Variants in BRIX1 observed in about 807,000 individuals in gnomAD.
The protein encoded by BRIX1 is biogenesis of ribosomes BRX1, also known as ribosome biogenesis protein BRX1 homolog.
In BRIX1, 15 loss-of-function variants were observed where a neutral mutation model predicts 44.0. The observed-to-expected ratio is 0.34, with a 90% CI of 0.23 to 0.53. BRIX1 has a LOEUF of 0.53. Ranked by LOEUF, BRIX1 falls within the 20% of genes least tolerant of loss-of-function variation. The probability of loss-of-function intolerance (pLI) is 0.95; values close to 1 mark genes in which losing one functional copy is unlikely to be tolerated. For missense variants in BRIX1, 420 were observed against 432.8 expected (o/e 0.97, Z 0.26); for synonymous variants, 149 against 135.4 (o/e 1.10, Z -0.70).
chr5:34,918,393 C>T lies in BRIX1; in HGVS notation c.189C>T (p.Leu63=), dbSNP rs1159505314. The T allele has an allele frequency of 1.3e-6, 2 of 1,582,914 alleles. No individual in the cohort carries two copies. The highest frequency in any genetic ancestry group is 1.4e-5 in the African/African-American group (1 of 73,942). ...AGTGGAAAAATAAGGAACGGATTCT[C>T]ATCTTTTCTTCCAGAGGAATAAATT... ...KGKWKNKERI[L]IFSSRGINFR... The change falls in exon 2 of 10, where the codon CTC becomes CTT. Residue 63 remains leucine (L), a synonymous_variant. Coordinates refer to ENST00000336767, the MANE Select transcript of BRIX1 (RefSeq NM_018321.4).
Position 34,917,149 on chromosome 5 carries a change from A to G in BRIX1, c.160-1215A>G, listed in dbSNP as rs41270665. On this transcript the variant is annotated intron_variant, in intron 1 of 9. Coordinates refer to ENST00000336767, the MANE Select transcript of BRIX1 (RefSeq NM_018321.4). ...GGGAACACTCCAAGGGAGAAAAAAAAACCGATGAAAGACTTTGAAGTAGGG... is the reference window on the plus strand; with the variant it reads ...GGGAACACTCCAAGGGAGAAAAAAAGACCGATGAAAGACTTTGAAGTAGGG... 6.8e-3 allele frequency among the ~76,000 whole-genome samples: 1,030 copies of G among 152,334 alleles called. 10 individuals are homozygous for G. Among genetic ancestry groups the G allele is most frequent in the African/African-American group, 0.024 (998 of 41,572 alleles).
Position 34,918,455 on chromosome 5 carries a change from T to C in BRIX1, c.251T>C (p.Leu84Ser). ...CATTTAATGCAGGACTTGAGAATGTTGATGCCTCATTCTAAAGCAGGTGCC... is the reference window on the plus strand; with the variant it reads ...CATTTAATGCAGGACTTGAGAATGTCGATGCCTCATTCTAAAGCAGGTGCC... ...TRHLMQDLRMLMPHSKADTKM... is the reference protein window; with the variant it reads ...TRHLMQDLRMSMPHSKADTKM... The change falls in exon 2 of 10, where the codon TTG becomes TCG. Residue 84 changes from leucine to serine, a missense_variant. By Grantham distance (145) the Leu-to-Ser change is moderately radical. Transcript: ENST00000336767. 1 of 1,604,508 alleles carries C rather than the reference T, an allele frequency of 6.2e-7. No homozygotes were observed. Among genetic ancestry groups the C allele is most frequent in the Non-Finnish European group, 8.5e-7 (1 of 1,173,798 alleles).
At chr5:34,923,876 A>T (rs1219670849) in intron 8 of BRIX1, among the ~76,000 whole-genome samples, 1 of 152,204 alleles carries the variant, frequency 6.6e-6, no homozygotes, top group East Asian at 1.9e-4. Context: ...CATGACTGTT[A>T]GTTGATACAG....
At chr5:34,915,997 C>T (rs1764070845) in intron 1 of BRIX1, 100 bp downstream of exon 1, 8 of 1,367,780 alleles carry the variant, frequency 5.8e-6, no homozygotes, top group Middle Eastern at 3.8e-4. Flanking sequence ...TTCAGAGTAG[C>T]CCGGGTGTTA....
chr5:34,925,286 G>A lies in BRIX1; in HGVS notation c.853G>A (p.Asp285Asn). 1.2e-6 allele frequency: 2 copies of A among 1,611,666 alleles called. No individual in the cohort carries two copies. Among genetic ancestry groups the A allele is most frequent in the Non-Finnish European group, 1.7e-6 (2 of 1,179,674 alleles). ...ATACAGAGAGAAACAGCAAGTGAAA[G>A]ATGTGCAAAAACTGAGAAAGAAAGA... ...AKYREKQQVK[D>N]VQKLRKKEPK... The change falls in exon 10 of 10, where the codon GAT (aspartate) becomes AAT (asparagine). Residue 285 changes from aspartate (D) to asparagine (N), a missense_variant. Physicochemically the swap from Asp to Asn is conservative, Grantham distance 23 (BLOSUM62 1). Transcript: ENST00000336767.
Position 34,923,071 on chromosome 5 carries a change from G to A in BRIX1, c.561+20G>A, listed in dbSNP as rs765802707. ...ATTCAGGTAAATATCTTTAAAATTAGCTATCCAAAATATACATGATATATC... is the reference window on the plus strand; with the variant it reads ...ATTCAGGTAAATATCTTTAAAATTAACTATCCAAAATATACATGATATATC... On this transcript the variant is annotated intron_variant, in intron 7 of 9. Transcript: ENST00000336767. 1.3e-6 allele frequency: 2 copies of A among 1,568,362 alleles called. No individual in the cohort carries two copies. The highest frequency in any genetic ancestry group is 1.8e-6 in the Non-Finnish European group (2 of 1,139,294).
chr5:34,920,377 G>C (rs2111978120), intron 3 of BRIX1: 1 of 151,974 alleles, frequency 6.6e-6, no homozygotes, highest in Admixed American at 6.6e-5. Flanking sequence ...TTTAACCTCT[G>C]GAAGCACAGA....
chr5:34,918,548 T>TA, intron 2 of BRIX1, 73 bp downstream of exon 2: 1 of 863,004 alleles, frequency 1.2e-6, no homozygotes, highest in South Asian at 2.1e-5. Flanking sequence ...ACTTATTTTA[T>TA]ATATTCTTCA....
At chr5:34,922,979 T>TA in intron 6 of BRIX1, 22 bp from the exon 7 acceptor site, 3 of 1,475,498 alleles carry the variant, frequency 2.0e-6, no homozygotes, top group Non-Finnish European at 2.8e-6. Context: ...TGTTAAATAA[T>TA]ATGCTTACCT....
At position 34,925,207 on chromosome 5, in the gene BRIX1, CTT is replaced by C. The variant is rs35326249; in HGVS notation, c.793-4_793-3del. ...TATTTTTATTTCAAAAGCATCTAAT[CTT>C]TTTTTTTTTTTTTTAGCATCGGCGT... On this transcript the variant is annotated splice_polypyrimidine_tract_variant and intron_variant, in intron 9 of 9. Transcript: ENST00000336767. 0.017 allele frequency: 22,255 copies of C among 1,275,608 alleles called. No individual in the cohort carries two copies. The highest frequency in any genetic ancestry group is 0.032 in the South Asian group (2,040 of 63,084). The allele number at this position is 1,275,608 out of a possible 1,614,324, so 79.0% of individuals were successfully genotyped here.
intron 4 of BRIX1, 112 bp from the exon 5 acceptor site, chr5:34,922,427 T>TTA (rs1764261085): frequency 1.1e-6 from 1 of 899,324 alleles, no homozygotes. Flanking sequence ...CTTGATACCT[T>TTA]TAAAGAAAAT....
chr5:34,922,641 G>A (rs1199019738), intron 5 of BRIX1, 53 bp downstream of exon 5: 3 of 1,588,904 alleles, frequency 1.9e-6, no homozygotes, highest in Non-Finnish European at 2.6e-6. Context: ...GTAATCTTTT[G>A]AAATAGTTGT....
Position 34,923,173 on chromosome 5 carries a change from T to G in BRIX1, c.602T>G (p.Phe201Cys), listed in dbSNP as rs1185573370. The G allele has an allele frequency of 1.9e-6, 3 of 1,614,198 alleles. No homozygotes were observed. The African/African-American group carries it at 4.0e-5, about 22-fold the overall frequency. Residue 201 changes from phenylalanine to cysteine, a missense_variant, in exon 8 of 10, where the codon TTT becomes TGT. By Grantham distance (205) the Phe-to-Cys change is radical. Coordinates refer to ENST00000336767, the MANE Select transcript of BRIX1 (RefSeq NM_018321.4). ...CGGTATCATCCCAAAAGCCAACCAT[T>G]TGTGGACCACGTGTTTACTTTCACC... ...TPRYHPKSQP[F>C]VDHVFTFTIL...
Position 34,915,769 on chromosome 5 carries a change from G to T in BRIX1, c.31G>T (p.Gly11Cys). 1 of 1,603,576 alleles carries T rather than the reference G, an allele frequency of 6.2e-7. No homozygotes were observed. The highest frequency in any genetic ancestry group is 1.7e-5 in the Admixed American group (1 of 58,272). Residue 11 changes from glycine (G) to cysteine (C), a missense_variant, in exon 1 of 10, where the codon GGC becomes TGC. Physicochemically the swap from Gly to Cys is radical, Grantham distance 159. Coordinates refer to ENST00000336767, the MANE Select transcript of BRIX1 (RefSeq NM_018321.4). ...GGCAACCAAGAGGAAACGGCGTGGA[G>T]GCTTTGCAGTTCAGGCGAAGAAGCC... MAATKRKRRGGFAVQAKKPKR... is the reference protein window; with the variant it reads MAATKRKRRGCFAVQAKKPKR...
chr5:34,921,856 G>A, intron 3 of BRIX1: 1 of 154,054 alleles, frequency 6.5e-6, no homozygotes, highest in African/African-American at 2.5e-5. Context: ...GCGGCGAGCC[G>A]AGATCGTGCC....
Position 34,915,758 on chromosome 5 carries a change from A to T in BRIX1, c.20A>T (p.Lys7Ile), listed in dbSNP as rs757412307. The change falls in exon 1 of 10, where the codon AAA becomes ATA. Residue 7 changes from lysine to isoleucine, a missense_variant. By Grantham distance (102) the Lys-to-Ile change is moderately radical (BLOSUM62 -3). Coordinates refer to ENST00000336767, the MANE Select transcript of BRIX1 (RefSeq NM_018321.4). MAATKR[K>I]RRGGFAVQAK... ...GGCAAGATGGCGGCAACCAAGAGGAAACGGCGTGGAGGCTTTGCAGTTCAG... is the reference window on the plus strand; with the variant it reads ...GGCAAGATGGCGGCAACCAAGAGGATACGGCGTGGAGGCTTTGCAGTTCAG... 6.2e-7 allele frequency: 1 copy of T among 1,603,698 alleles called. No individual in the cohort carries two copies. Among genetic ancestry groups the T allele is most frequent in the East Asian group, 2.2e-5 (1 of 44,496 alleles).
intron 1 of BRIX1, among the ~76,000 whole-genome samples, chr5:34,917,151 C>A (rs1005601205): frequency 6.6e-5 from 10 of 151,896 alleles, no homozygotes; most frequent in African/African-American, 1.7e-4. Flanking sequence ...GAAAAAAAAA[C>A]CGATGAAAGA....
chr5:34,919,652 A>G (rs1428146840), intron 2 of BRIX1, among the ~76,000 whole-genome samples, 188 bp from the exon 3 acceptor site: 3 of 152,186 alleles, frequency 2.0e-5, no homozygotes, highest in African/African-American at 7.2e-5. Flanking sequence ...TATTTTCTTT[A>G]CATTTACAAA....
At chr5:34,924,175 C>T (rs1764300788) in intron 8 of BRIX1, among the ~76,000 whole-genome samples, 1 of 152,142 alleles carries the variant, frequency 6.6e-6, no homozygotes, top group Non-Finnish European at 1.5e-5. Flanking sequence ...AATCTTGAAG[C>T]AGGAGTTTGG....
Sources: gnomAD v4.1 joint callset for allele counts (sites outside exome capture counted in the v4.1 genomes callset) on GRCh38, gnomAD v4.1.1 for gene constraint, MANE v1.5 for transcripts, NCBI Gene and HGNC (gene_info 2026-07-23, HGNC 2026-07-21) for gene names.